The following EP400 variants were observed in gnomAD, a reference collection of about 807,000 sequenced individuals.
The protein encoded by EP400 is E1A binding protein p400.
Under a neutral mutation model 354.1 loss-of-function variants are expected in EP400, and 105 were observed. The observed-to-expected ratio is 0.30, with a 90% CI of 0.25 to 0.35. The LOEUF is 0.35. Ranked by LOEUF, EP400 falls within the 10% of genes least tolerant of loss-of-function variation. The probability of loss-of-function intolerance (pLI) is 1.00; values close to 1 mark genes in which losing one functional copy is unlikely to be tolerated. For synonymous variants in EP400, 1,646 were observed against 1,716.9 expected (o/e 0.96, Z 1.02); for missense variants, 3,280 against 4,121.0 (o/e 0.80, Z 5.59).
At chr12:131,999,241 T>C (rs573181071) in intron 12 of EP400, among the ~76,000 whole-genome samples, 1 of 152,274 alleles carries the variant, frequency 6.6e-6, no homozygotes, top group Admixed American at 6.5e-5. Context: ...ACCAGTGTTC[T>C]TCTGAGGATT....
Position 132,038,126 on chromosome 12 carries a change from TTGCACGGTGGGAGCCGGCGGAACACC to T in EP400, c.6207+36_6207+61del, listed in dbSNP as rs771010209. 1 of 1,612,984 alleles carries T rather than the reference TTGCACGGTGGGAGCCGGCGGAACACC, an allele frequency of 6.2e-7. No homozygotes were observed. The highest frequency in any genetic ancestry group is 1.3e-5 in the African/African-American group (1 of 74,954). On this transcript the variant is annotated intron_variant, in intron 32 of 52. Transcript: ENST00000389561. The surrounding 1 kb of genome is among the most constrained non-coding windows in gnomAD (Gnocchi z 4.2). ...GAATACATTGAATCTGGCTGAAGAGTTGCACGGTGGGAGCCGGCGGAACACCTGCACCCTCCCCCAGGGTTCTGGGT... is the reference window on the plus strand; with the variant it reads ...GAATACATTGAATCTGGCTGAAGAGTTGCACCCTCCCCCAGGGTTCTGGGT...
rs772308356 is a variant in EP400, at chr12:132,013,971, G to C, written c.3923+58G>C. The C allele has an allele frequency of 8.2e-6, 13 of 1,591,074 alleles. No individual in the cohort carries two copies. Among genetic ancestry groups the C allele is most frequent in the African/African-American group, 1.4e-5 (1 of 73,802 alleles). On this transcript the variant is annotated intron_variant, in intron 19 of 52. Transcript: ENST00000389561. The surrounding 1 kb of genome is among the most constrained non-coding windows in gnomAD (Gnocchi z 4.5). Reference sequence around the variant, plus strand: ...GCTGTCCCTGCCTGTGAGGGAAAACGGCCCTTTCTGTGGCCTCAGCAGAAA... The same window carrying C: ...GCTGTCCCTGCCTGTGAGGGAAAACCGCCCTTTCTGTGGCCTCAGCAGAAA...
At position 132,052,604 on chromosome 12, in the gene EP400, G is replaced by T. The variant is rs538337992; in HGVS notation, c.7395-542G>T. Reference sequence around the variant, plus strand: ...CTGTTTGTCGTCTGATGTGAGTGCTGTGATCGCTGGGACTCTAGCGTCTGG... The same window carrying T: ...CTGTTTGTCGTCTGATGTGAGTGCTTTGATCGCTGGGACTCTAGCGTCTGG... On this transcript the variant is annotated intron_variant, in intron 41 of 52. Transcript: ENST00000389561. The surrounding 1 kb of genome is among the most constrained non-coding windows in gnomAD (Gnocchi z 4.4). Among the ~76,000 whole-genome samples the T allele has an allele frequency of 6.6e-6, 1 of 152,260 alleles. No homozygotes were observed. The highest frequency in any genetic ancestry group is 2.1e-4 in the South Asian group (1 of 4,832).
chr12:132,027,893 A>C lies in EP400; in HGVS notation c.5110-124A>C. 1 of 1,033,454 alleles carries C rather than the reference A, an allele frequency of 9.7e-7. No individual in the cohort carries two copies. Among genetic ancestry groups the C allele is most frequent in the Non-Finnish European group, 1.4e-6 (1 of 713,258 alleles). 64.0% of individuals were successfully genotyped at this position (1,033,454 alleles called of 1,614,324 possible). On this transcript the variant is annotated intron_variant, in intron 26 of 52. Transcript: ENST00000389561. The surrounding 1 kb of genome is among the most constrained non-coding windows in gnomAD (Gnocchi z 4.9). ...TTTCTATCTCTATTTCCTGTAACACAAGACCGGGGATATTGAAGTGGATCT... is the reference window on the plus strand; with the variant it reads ...TTTCTATCTCTATTTCCTGTAACACCAGACCGGGGATATTGAAGTGGATCT...
At chr12:132,026,787 C>T (rs759025003) in intron 25 of EP400, among the ~76,000 whole-genome samples, 2 of 152,182 alleles carry the variant, frequency 1.3e-5, no homozygotes, top group Non-Finnish European at 2.9e-5. Context: ...AGCCTCTCCT[C>T]TTGTTTTTCC....
Position 131,994,108 on chromosome 12 carries a change from A to G in EP400, c.2738-759A>G, listed in dbSNP as rs1893129504. ...CCAGGGTGTCGAGTACAGTCAGGAA[A>G]GGCAGCACCTGGAGGCCCAGCGACT... On this transcript the variant is annotated intron_variant, in intron 11 of 52. Coordinates refer to ENST00000389561, the MANE Select transcript of EP400 (RefSeq NM_015409.5). This position sits in a 1 kb window ranked among gnomAD's most constrained non-coding sequence, Gnocchi z 4.6. Among the ~76,000 whole-genome samples the G allele has an allele frequency of 6.6e-6, 1 of 151,996 alleles. No individual in the cohort carries two copies. The highest frequency in any genetic ancestry group is 2.1e-4 in the South Asian group (1 of 4,818).
intron 21 of EP400, among the ~76,000 whole-genome samples, chr12:132,019,357 A>G (rs942404958): frequency 6.6e-6 from 1 of 152,124 alleles, no homozygotes; most frequent in African/African-American, 2.4e-5. Context: ...ATGGCTTTTG[A>G]TGGCCGTCTC....
At chr12:131,991,571 C>CT (rs1893034413) in intron 10 of EP400, 115 bp downstream of exon 10, 32 of 719,174 alleles carry the variant, frequency 4.4e-5, no homozygotes, top group Admixed American at 1.1e-4. Context: ...TACTTCCTTT[C>CT]TTTTCTTTTT....
intron 32 of EP400, among the ~76,000 whole-genome samples, chr12:132,039,180 ACT>A (rs939138958): frequency 1.3e-5 from 2 of 152,138 alleles, no homozygotes; most frequent in African/African-American, 4.8e-5. Flanking sequence ...TTACTCAGTT[ACT>A]GAATAAGTAA....
intron 15 of EP400, among the ~76,000 whole-genome samples, chr12:132,008,011 C>T (rs1161113680): frequency 6.6e-6 from 1 of 151,900 alleles, no homozygotes; most frequent in African/African-American, 2.4e-5. Context: ...TGTAATGGCA[C>T]GATCTTGGCT....
chr12:132,023,543 C>T (rs965082464), intron 23 of EP400, among the ~76,000 whole-genome samples: 10 of 151,962 alleles, frequency 6.6e-5, no homozygotes, highest in African/African-American at 2.4e-4. Context: ...TATCTAAAAT[C>T]CCAACCAATT....
chr12:132,077,529 G>A lies in EP400; in HGVS notation c.9228G>A (p.Thr3076=), dbSNP rs139223157. 76 of 1,613,878 alleles carry A rather than the reference G, an allele frequency of 4.7e-5. No homozygotes were observed. The highest frequency in any genetic ancestry group is 1.5e-4 in the African/African-American group (11 of 75,064). The change falls in exon 53 of 53, where the codon ACG becomes ACA. Residue 3076 remains threonine, a synonymous_variant. Coordinates refer to ENST00000389561, the MANE Select transcript of EP400 (RefSeq NM_015409.5). ...QKLIQQQVVT[T]ASAPLQTPGA... ...TCATTCAGCAGCAGGTGGTGACCAC[G>A]GCGTCGGCCCCGCTCCAGACTCCAG...
chr12:131,958,362 G>C (rs543879747), intron 1 of EP400, among the ~76,000 whole-genome samples: 1 of 152,146 alleles, frequency 6.6e-6, no homozygotes, highest in Non-Finnish European at 1.5e-5. Context: ...TGCAGCCTGC[G>C]TGCTGTCTTC....
chr12:132,043,988 G>T, intron 34 of EP400, among the ~76,000 whole-genome samples, 189 bp from the exon 35 acceptor site: 1 of 152,242 alleles, frequency 6.6e-6, no homozygotes, highest in East Asian at 1.9e-4. Flanking sequence ...GGACCATGGG[G>T]CTTGTTCTGC....
chr12:131,957,708 G>A (rs1189387908), intron 1 of EP400, among the ~76,000 whole-genome samples: 1 of 151,884 alleles, frequency 6.6e-6, no homozygotes, highest in African/African-American at 2.4e-5. Context: ...CGATTCTTCT[G>A]CCTCAGCCTC....
At chr12:132,014,191 G>T (rs1256920057) in intron 19 of EP400, among the ~76,000 whole-genome samples, 1 of 152,206 alleles carries the variant, frequency 6.6e-6, no homozygotes, top group African/African-American at 2.4e-5. Flanking sequence ...TCCCTGTGTT[G>T]CCCAGAGAAT....
chr12:131,960,540 GT>G (rs1418406162), intron 1 of EP400, 44 bp from the exon 2 acceptor site: 13 of 1,483,786 alleles, frequency 8.8e-6, no homozygotes, highest in Non-Finnish European at 9.9e-6. Flanking sequence ...CAATAAAACA[GT>G]TATGTGTGCC....
intron 39 of EP400, among the ~76,000 whole-genome samples, chr12:132,049,236 G>A (rs564882468): frequency 2.6e-5 from 4 of 152,332 alleles, no homozygotes; most frequent in South Asian, 4.1e-4. Flanking sequence ...CCAGACACAC[G>A]GTCTTTCCAT....
At chr12:131,978,267 T>C (rs1478757927) in intron 2 of EP400, among the ~76,000 whole-genome samples, 1 of 152,170 alleles carries the variant, frequency 6.6e-6, no homozygotes, top group Non-Finnish European at 1.5e-5. Flanking sequence ...GTGCACAGCC[T>C]CCTTTGTATC....
Sources: allele counts gnomAD v4.1 joint callset (sites outside exome capture counted in the v4.1 genomes callset), GRCh38; gene constraint gnomAD v4.1.1; non-coding constraint Gnocchi (gnomAD v3.1); transcripts MANE v1.5; gene names NCBI Gene and HGNC (gene_info 2026-07-23, HGNC 2026-07-21).